The following RNF180 variants were observed in gnomAD, a reference collection of about 807,000 sequenced individuals.
RNF180 encodes E3 ubiquitin-protein ligase RNF180.
A neutral mutation model predicts 59.2 loss-of-function variants in RNF180; 38 were observed. The ratio of observed to expected loss-of-function variants is 0.64; its 90% confidence interval spans 0.50 to 0.84. The LOEUF (loss-of-function observed/expected upper bound fraction) is 0.84. Among genes scored for constraint, RNF180 ranks in the 40% least tolerant of loss-of-function variants. The pLI is 0.00. For synonymous variants in RNF180, 262 were observed against 240.3 expected, an observed-to-expected ratio of 1.09 and a Z score of -0.84; for missense variants, 705 against 700.9, an observed-to-expected ratio of 1.01 and a Z score of -0.07.
intron 7 of RNF180, among the ~76,000 whole-genome samples, chr5:64,338,168 ATTAT>A (rs1411716298): frequency 1.1e-4 from 17 of 152,134 alleles, no homozygotes; most frequent in Admixed American, 9.2e-4. Context: ...ATTAAGTCTA[ATTAT>A]TTATAAGGTT....
At chr5:64,211,987 G>T in intron 2 of RNF180, 78 bp from the exon 3 acceptor site, 2 of 781,472 alleles carry the variant, frequency 2.6e-6, no homozygotes, top group South Asian at 3.8e-5. Context: ...TTGTATTTTT[G>T]AGTTTTACTT....
rs754915899 is a variant in RNF180, at chr5:64,370,537, T to A, written c.*723T>A. 1 of 151,630 alleles carries A rather than the reference T, an allele frequency of 6.6e-6. No individual in the cohort carries two copies. 9.4% of individuals were successfully genotyped at this position (151,630 alleles called of 1,614,324 possible). ...GACTTTTAGTAGTCTAAAAGAGCAA[T>A]GCATGGTCCAAAATGTAATTTAGTG... On this transcript the variant is annotated 3_prime_UTR_variant, in exon 8 of 8. Coordinates refer to ENST00000389100, the MANE Select transcript of RNF180 (RefSeq NM_001113561.2).
At chr5:64,251,029 C>A (rs2112275621) in intron 5 of RNF180, among the ~76,000 whole-genome samples, 1 of 152,212 alleles carries the variant, frequency 6.6e-6, no homozygotes, top group South Asian at 2.1e-4. Flanking sequence ...TGGTATTCAT[C>A]CCAGGGAAGC....
intron 5 of RNF180, among the ~76,000 whole-genome samples, chr5:64,236,633 C>T (rs1267273102): frequency 2.6e-5 from 4 of 152,246 alleles, no homozygotes; most frequent in East Asian, 1.9e-4. Context: ...AATATCTCCA[C>T]GGCACGTCAG....
intron 5 of RNF180, among the ~76,000 whole-genome samples, chr5:64,261,674 T>A (rs973927638): frequency 1.3e-5 from 2 of 152,198 alleles, no homozygotes; most frequent in African/African-American, 4.8e-5. Flanking sequence ...TCTGGTTGAA[T>A]GTTACAAACA....
chr5:64,191,142 G>A (rs1751129066), intron 1 of RNF180, among the ~76,000 whole-genome samples: 1 of 152,058 alleles, frequency 6.6e-6, no homozygotes, highest in South Asian at 2.1e-4. Flanking sequence ...ACTATTTTTA[G>A]AGCAGTCTGT....
intron 5 of RNF180, among the ~76,000 whole-genome samples, chr5:64,314,966 A>C (rs1253514574): frequency 6.6e-6 from 1 of 152,212 alleles, no homozygotes. Context: ...TGTAGTCTTG[A>C]CACCTGATAC....
chr5:64,201,034 T>C, intron 2 of RNF180, 92 bp downstream of exon 2: 1 of 903,334 alleles, frequency 1.1e-6, no homozygotes. Context: ...CTCTACCTTA[T>C]TAAGAATATT....
At chr5:64,185,058 A>G (rs1325057874) in intron 1 of RNF180, among the ~76,000 whole-genome samples, 4 of 152,222 alleles carry the variant, frequency 2.6e-5, no homozygotes, top group Non-Finnish European at 5.9e-5. Flanking sequence ...CGTTGATGGC[A>G]GTTTCATCTT....
At chr5:64,301,216 C>T (rs1743144791) in intron 5 of RNF180, among the ~76,000 whole-genome samples, 1 of 151,690 alleles carries the variant, frequency 6.6e-6, no homozygotes, top group Non-Finnish European at 1.5e-5. Context: ...GGTAAATGAA[C>T]AAACCCAAGT....
intron 5 of RNF180, among the ~76,000 whole-genome samples, chr5:64,246,185 C>A (rs949479782): frequency 1.3e-5 from 2 of 152,020 alleles, no homozygotes; most frequent in African/African-American, 4.8e-5. Context: ...AAAATCGACA[C>A]CCTAACATCA....
intron 5 of RNF180, among the ~76,000 whole-genome samples, chr5:64,267,518 A>G (rs926494219): frequency 2.0e-5 from 3 of 151,098 alleles, no homozygotes; most frequent in Admixed American, 6.6e-5. Context: ...CCACCCCACA[A>G]CAGTCCCCAG....
At chr5:64,194,913 A>G (rs1458570711) in intron 1 of RNF180, among the ~76,000 whole-genome samples, 5 of 152,196 alleles carry the variant, frequency 3.3e-5, no homozygotes, top group Admixed American at 6.5e-5. Context: ...AAATATACAG[A>G]TAGGAAAATG....
chr5:64,213,912 GA>G lies in RNF180; in HGVS notation c.591del (p.Lys197AsnfsTer19). The G allele has an allele frequency of 1.9e-6, 3 of 1,614,062 alleles. No homozygotes were observed. Among genetic ancestry groups the G allele is most frequent in the Non-Finnish European group, 2.5e-6 (3 of 1,180,018 alleles). On this transcript the variant is annotated frameshift_variant, in exon 4 of 8. Transcript: ENST00000389100. LOFTEE classifies it high-confidence loss of function. Reference protein sequence around the residue: ...VRPTYFEMKNEKLLSKASEPK... With the variant: ...VRPTYFEMKNXKLLSKASEPK... ...ACCAACATATTTTGAGATGAAGAAC[GA>G]AAAACTGCTGTCCAAAGCATCAGAA... is the stretch of plus-strand genomic sequence containing the variant.
chr5:64,194,243 G>C (rs1248690035), intron 1 of RNF180, among the ~76,000 whole-genome samples: 1 of 152,096 alleles, frequency 6.6e-6, no homozygotes, highest in Non-Finnish European at 1.5e-5. Context: ...CTATGAGTGA[G>C]AACATGCAGT....
chr5:64,186,122 C>G (rs1750861693), intron 1 of RNF180, among the ~76,000 whole-genome samples: 1 of 152,130 alleles, frequency 6.6e-6, no homozygotes, highest in African/African-American at 2.4e-5. Flanking sequence ...ATAGTTGCCT[C>G]TGCATCAAAC....
chr5:64,317,597 TACACACACACACACACAC>T (rs750376789), intron 5 of RNF180, among the ~76,000 whole-genome samples: 3 of 123,868 alleles, frequency 2.4e-5, no homozygotes, highest in African/African-American at 3.8e-5. Context: ...TACATATTTA[TACACACACACACACACAC>T]ACATATATAC....
chr5:64,220,123 T>A (rs991459029), intron 5 of RNF180, among the ~76,000 whole-genome samples: 1 of 152,144 alleles, frequency 6.6e-6, no homozygotes, highest in East Asian at 1.9e-4. Context: ...CTTTTTTTAG[T>A]CTTGCTGGAG....
intron 1 of RNF180, among the ~76,000 whole-genome samples, chr5:64,176,948 A>G (rs1426371934): frequency 1.3e-5 from 2 of 152,154 alleles, no homozygotes; most frequent in Admixed American, 6.5e-5. Flanking sequence ...GTGTGGGCCA[A>G]TGGTATTATA....
Sources: gnomAD v4.1 joint callset for allele counts (sites outside exome capture counted in the v4.1 genomes callset) on GRCh38, gnomAD v4.1.1 for gene constraint, MANE v1.5 for transcripts, NCBI Gene and HGNC (gene_info 2026-07-23, HGNC 2026-07-21) for gene names.